Variants in SIGLEC8 observed in about 807,000 individuals in gnomAD.
The protein encoded by SIGLEC8 is sialic acid-binding Ig-like lectin 8.
In SIGLEC8, 32 loss-of-function variants were observed where a neutral mutation model predicts 42.1. The ratio of observed to expected loss-of-function variants is 0.76; its 90% CI spans 0.57 to 1.02. The LOEUF (loss-of-function observed/expected upper bound fraction) is 1.02. Among genes scored for constraint, SIGLEC8 ranks in the 50% least tolerant of loss-of-function variants. SIGLEC8 has a pLI of 0.00. For missense variants in SIGLEC8, 611 were observed against 610.2 expected (o/e 1.00, Z -0.01); for synonymous variants, 262 against 260.3 (o/e 1.01, Z -0.06).
rs751632751 is a variant in SIGLEC8 at position 51,454,831 on chromosome 19, T to C, written c.1052-51A>G. 1 of 1,327,838 alleles carries C rather than the reference T, an allele frequency of 7.5e-7. No individual in the cohort carries two copies. The allele number at this position is 1,327,838 out of a possible 1,614,324, so 82.3% of individuals were successfully genotyped here. A position where few individuals can be genotyped will look rare whatever the true frequency, so the allele number is the denominator to read the frequency against. ...GGGATTTATATCACGGAGAAGTGGG[T>C]CTCTTCCCCTCCCACTGTCTGCAGG... On this transcript the variant is annotated intron_variant, in intron 4 of 6. Transcript: ENST00000321424. This position sits in a 1 kb window ranked among gnomAD's most constrained non-coding sequence, Gnocchi z 4.7.
At position 51,452,172 on chromosome 19, in the gene SIGLEC8, G is replaced by A. The variant is rs1388341138; in HGVS notation, c.*207C>T. ...ACACACAGAGAGGCAAGTACCACAT[G>A]ACCTCATCTCTATGTGGAATCTAAA... On this transcript the variant is annotated 3_prime_UTR_variant, in exon 7 of 7. Coordinates refer to ENST00000321424, the MANE Select transcript of SIGLEC8 (RefSeq NM_014442.3). 1 of 436,294 alleles carries A rather than the reference G, an allele frequency of 2.3e-6. No individual in the cohort carries two copies. The highest frequency in any genetic ancestry group is 3.3e-5 in the East Asian group (1 of 30,268). The allele number at this position is 436,294 out of a possible 1,614,324, so 27.0% of individuals were successfully genotyped here.
At chr19:51,457,073 G>A (rs781604918) in intron 3 of SIGLEC8, 111 bp downstream of exon 3, 203 of 991,702 alleles carry the variant, frequency 2.0e-4, no homozygotes, top group Non-Finnish European at 2.2e-4. Flanking sequence ...CTGGGCTCAC[G>A]CACAGTGGCA....
At position 51,457,678 on chromosome 19, in the gene SIGLEC8, G is replaced by A. The variant is rs1432433997; in HGVS notation, c.516C>T (p.Asn172=). 5 of 1,608,302 alleles carry A rather than the reference G, an allele frequency of 3.1e-6. No individual in the cohort carries two copies. Among genetic ancestry groups the A allele is most frequent in the African/African-American group, 1.3e-5 (1 of 74,970 alleles). Residue 172 remains asparagine, a synonymous_variant, in exon 2 of 7, where the codon AAC becomes AAT. Coordinates refer to ENST00000321424, the MANE Select transcript of SIGLEC8 (RefSeq NM_014442.3). ...AGGCCCAGGGCACAGAGCAGGTCAG[G>A]TTCCTGGAGTGGCCAGACTCTAGGG... The part of the protein sequence containing the change: ...LGTLESGHSR[N]LTCSVPWACK...
In SIGLEC8 at chr19:51,454,829, G is replaced by T; in HGVS notation, c.1052-49C>A. ...TGGGGATTTATATCACGGAGAAGTG[G>T]GTCTCTTCCCCTCCCACTGTCTGCA... On this transcript the variant is annotated intron_variant, in intron 4 of 6. Transcript: ENST00000321424. This position sits in a 1 kb window ranked among gnomAD's most constrained non-coding sequence, Gnocchi z 4.7. 1 of 1,392,038 alleles carries T rather than the reference G, an allele frequency of 7.2e-7. No homozygotes were observed. Among genetic ancestry groups the T allele is most frequent in the Non-Finnish European group, 1.0e-6 (1 of 978,506 alleles). 86.2% of individuals were successfully genotyped at this position (1,392,038 alleles called of 1,614,324 possible).
In SIGLEC8 at chr19:51,454,713, G is replaced by A. The variant is rs1469996647; in HGVS notation, c.1119C>T (p.Ala373=). 2 of 1,613,804 alleles carry A rather than the reference G, an allele frequency of 1.2e-6. No individual in the cohort carries two copies. Among genetic ancestry groups the A allele is most frequent in the Non-Finnish European group, 1.7e-6 (2 of 1,179,924 alleles). ...TGAAGATGATGCAGAAGGACAGGAAGGCCAGGGCTGTGGCTCCAGCTCCCC... is the reference window on the plus strand; with the variant it reads ...TGAAGATGATGCAGAAGGACAGGAAAGCCAGGGCTGTGGCTCCAGCTCCCC... The part of the protein sequence containing the change: ...AVGGAGATAL[A]FLSFCIIFII... Residue 373 remains alanine, a synonymous_variant, in exon 5 of 7, where the codon GCC becomes GCT. Transcript: ENST00000321424. This position sits in a 1 kb window ranked among gnomAD's most constrained non-coding sequence, Gnocchi z 4.7.
At chr19:51,452,696 T>A (rs760331082) in intron 6 of SIGLEC8, 63 bp from the exon 7 acceptor site, 3 of 1,383,508 alleles carry the variant, frequency 2.2e-6, no homozygotes, top group Non-Finnish European at 1.9e-6. Flanking sequence ...GCAGGGAGAG[T>A]CCAGGAAGGA....
intron 6 of SIGLEC8, 119 bp from the exon 7 acceptor site, chr19:51,452,752 G>A (rs552201770): frequency 3.2e-5 from 30 of 944,378 alleles, no homozygotes; most frequent in South Asian, 3.5e-5. Flanking sequence ...CATTTTTGTC[G>A]AAGTGTCTTT....
Position 51,458,371 on chromosome 19 carries a change from A to G in SIGLEC8, c.17T>C (p.Leu6Pro). 2 of 1,612,864 alleles carry G rather than the reference A, an allele frequency of 1.2e-6. No homozygotes were observed. Among genetic ancestry groups the G allele is most frequent in the African/African-American group, 2.7e-5 (2 of 75,008 alleles). MLLLLLLLPLLWGTKG... is the reference protein window; with the variant it reads MLLLLPLLPLLWGTKG... Reference sequence around the variant, plus strand: ...TGTCCCCCAGAGCAGGGGCAGCAGCAGCAGCAGCAGCAGCATGTCTGGGTT... The same window carrying G: ...TGTCCCCCAGAGCAGGGGCAGCAGCGGCAGCAGCAGCAGCATGTCTGGGTT... Residue 6 changes from leucine to proline, a missense_variant, in exon 1 of 7, where the codon CTG becomes CCG. Transcript: ENST00000321424.
At position 51,458,265 on chromosome 19, in the gene SIGLEC8, C is replaced by G; in HGVS notation, c.123G>C (p.Leu41=). 1 of 1,614,156 alleles carries G rather than the reference C, an allele frequency of 6.2e-7. No individual in the cohort carries two copies. Among genetic ancestry groups the G allele is most frequent in the South Asian group, 1.1e-5 (1 of 91,080 alleles). Residue 41 remains leucine (L), a synonymous_variant, in exon 1 of 7, where the codon CTG becomes CTC. Transcript: ENST00000321424. Reference sequence around the variant, plus strand: ...AGAAGGAGCAGGGCACATGGACACACAGGCCCTCCTGCACCGTCACCAGCT... The same window carrying G: ...AGAAGGAGCAGGGCACATGGACACAGAGGCCCTCCTGCACCGTCACCAGCT... ...VQELVTVQEG[L]CVHVPCSFSY... is the part of the protein sequence containing the mutation.
At position 51,452,376 on chromosome 19, in the gene SIGLEC8, G is replaced by A. The variant is rs996387114; in HGVS notation, c.*3C>T. 1.9e-6 allele frequency: 3 copies of A among 1,593,334 alleles called. No individual in the cohort carries two copies. The African/African-American group carries it at 4.0e-5, about 21-fold the overall frequency. On this transcript the variant is annotated 3_prime_UTR_variant, in exon 7 of 7. Transcript: ENST00000321424. ...GCTCTAGAGGGTTCTTGTTCTATGA[G>A]AATCAGCCTCTGACTTCTTTGCTGG...
intron 3 of SIGLEC8, among the ~76,000 whole-genome samples, chr19:51,456,213 T>TATAATAATAATAATA (rs368300815): frequency 8.0e-5 from 12 of 150,604 alleles, no homozygotes; most frequent in Admixed American, 2.0e-4. Flanking sequence ...AAACTTAAAG[T>TATAATAATAATAATA]ATAATAATAA....
In SIGLEC8 at chr19:51,452,631, T is replaced by A; in HGVS notation, c.1248A>T (p.Gly416=). The change falls in exon 7 of 7, where the codon GGA becomes GGT. Residue 416 remains glycine (G), a splice_region_variant and synonymous_variant. Transcript: ENST00000321424. ...AKAIRGSASQ[G]PLTESWKDGN... ...CATCTTTCCAGGATTCAGTCAGGGG[T>A]CCCTGGACAGAGAGAGAGAAGGGAG... 2 of 1,518,758 alleles carry A rather than the reference T, an allele frequency of 1.3e-6. No individual in the cohort carries two copies. The highest frequency in any genetic ancestry group is 3.9e-4 in the Middle Eastern group (2 of 5,122). The allele number at this position is 1,518,758 out of a possible 1,614,324, so 94.1% of individuals were successfully genotyped here. A position where few individuals can be genotyped will look rare whatever the true frequency, so the allele number is the denominator to read the frequency against.
In SIGLEC8 at chr19:51,452,579, C is replaced by A; in HGVS notation, c.1300G>T (p.Ala434Ser). 1 of 1,576,456 alleles carries A rather than the reference C, an allele frequency of 6.3e-7. No individual in the cohort carries two copies. Residue 434 changes from alanine (A) to serine (S), a missense_variant, in exon 7 of 7, where the codon GCT becomes TCT. Coordinates refer to ENST00000321424, the MANE Select transcript of SIGLEC8 (RefSeq NM_014442.3). ...TCCTCCCCTGACGAGGGGGCAACAG[C>A]TGGGGGAGGCTTCTTCAGGGGGTTG... ...DGNPLKKPPP[A>S]VAPSSGEEGE...
chr19:51,457,652 C>A lies in SIGLEC8; in HGVS notation c.542G>T (p.Cys181Phe). 1 of 1,611,256 alleles carries A rather than the reference C, an allele frequency of 6.2e-7. No homozygotes were observed. Among genetic ancestry groups the A allele is most frequent in the African/African-American group, 1.3e-5 (1 of 74,982 alleles). The change falls in exon 2 of 7, where the codon TGT (cysteine) becomes TTT (phenylalanine). Residue 181 changes from cysteine to phenylalanine, a missense_variant. Transcript: ENST00000321424. The stretch of plus-strand genomic sequence containing the variant: ...GATCATGGGGGGTGTCCCCTGCTTA[C>A]AGGCCCAGGGCACAGAGCAGGTCAG... The part of the protein sequence containing the change: ...RNLTCSVPWA[C>F]KQGTPPMISW...
In SIGLEC8 at chr19:51,458,176, T is replaced by C; in HGVS notation, c.212A>G (p.Asp71Gly). 1 of 1,614,024 alleles carries C rather than the reference T, an allele frequency of 6.2e-7. No homozygotes were observed. Among genetic ancestry groups the C allele is most frequent in the Non-Finnish European group, 8.5e-7 (1 of 1,179,996 alleles). ...CACTGGAGCGTCTTGGTATGGTCTG[T>C]CTCCTGCCCGGAACCAGTAGCCATG... ...PVHGYWFRAGDRPYQDAPVAT... is the reference protein window; with the variant it reads ...PVHGYWFRAGGRPYQDAPVAT... Residue 71 changes from aspartate (D) to glycine (G), a missense_variant, in exon 1 of 7, where the codon GAC becomes GGC. Asp to Gly is a moderately conservative substitution (Grantham distance 94). Transcript: ENST00000321424.
intron 6 of SIGLEC8, chr19:51,453,430 G>A: frequency 1.0e-6 from 1 of 981,470 alleles, no homozygotes; most frequent in East Asian, 1.1e-4. Context: ...GGGTGCGGTG[G>A]CTCATGCCCC....
rs1386489371 is a variant in SIGLEC8 at position 51,458,301 on chromosome 19, C to T, written c.87G>A (p.Leu29=). The change falls in exon 1 of 7, where the codon CTG becomes CTA. Residue 29 remains leucine, a synonymous_variant. Transcript: ENST00000321424. ...GDRQYGDGYL[L]QVQELVTVQE... Reference sequence around the variant, plus strand: ...GCACCGTCACCAGCTCCTGCACTTGCAGCAAGTAACCATCCCCATATTGTC... The same window carrying T: ...GCACCGTCACCAGCTCCTGCACTTGTAGCAAGTAACCATCCCCATATTGTC... The T allele has an allele frequency of 1.2e-6, 2 of 1,614,148 alleles. No homozygotes were observed. Among genetic ancestry groups the T allele is most frequent in the Non-Finnish European group, 1.7e-6 (2 of 1,180,010 alleles).
Position 51,457,547 on chromosome 19 carries a change from T to G in SIGLEC8, c.647A>C (p.Gln216Pro). ...SSVLTLTPKP[Q>P]DHGTSLTCQV... ...ACAGGTGAGGCTGGTGCCGTGGTCC[T>G]GGGGCTTTGGGGTAAGGGTGAGCAC... The change falls in exon 2 of 7, where the codon CAG (glutamine) becomes CCG (proline). Residue 216 changes from glutamine to proline, a missense_variant. Gln to Pro is a moderately conservative substitution (Grantham distance 76). Coordinates refer to ENST00000321424, the MANE Select transcript of SIGLEC8 (RefSeq NM_014442.3). The G allele has an allele frequency of 6.2e-7, 1 of 1,613,978 alleles. No homozygotes were observed. The highest frequency in any genetic ancestry group is 1.1e-5 in the South Asian group (1 of 91,062).
chr19:51,457,983 G>A lies in SIGLEC8; in HGVS notation c.405C>T (p.Tyr135=). ...TAGTTTTGTAATTCAACTGTGATTT[G>A]TAACTCCATTTCATGCTTCCTCTCT... The part of the protein sequence containing the change: ...RLERGSMKWS[Y]KSQLNYKTKQ... The change falls in exon 1 of 7, where the codon TAC becomes TAT. Residue 135 remains tyrosine, a synonymous_variant. Coordinates refer to ENST00000321424, the MANE Select transcript of SIGLEC8 (RefSeq NM_014442.3). 1 of 1,614,090 alleles carries A rather than the reference G, an allele frequency of 6.2e-7. No homozygotes were observed. Among genetic ancestry groups the A allele is most frequent in the South Asian group, 1.1e-5 (1 of 91,082 alleles).
Sources: allele counts gnomAD v4.1 joint callset (sites outside exome capture counted in the v4.1 genomes callset), GRCh38; gene constraint gnomAD v4.1.1; non-coding constraint Gnocchi (gnomAD v3.1); transcripts MANE v1.5; gene names NCBI Gene and HGNC (gene_info 2026-07-23, HGNC 2026-07-21).